The following DENND1A variants were observed in gnomAD, a reference collection of about 807,000 sequenced individuals.
DENND1A encodes DENN domain-containing protein 1A.
In DENND1A, 51 loss-of-function variants were observed where a neutral mutation model predicts 113.7. The ratio of observed to expected loss-of-function variants is 0.45; its 90% CI spans 0.36 to 0.57. The LOEUF (loss-of-function observed/expected upper bound fraction) is 0.57. DENND1A is among the 20% of genes least tolerant of loss of function. DENND1A has a pLI of 0.00. For synonymous variants in DENND1A, 565 were observed against 570.8 expected (o/e 0.99, Z 0.14); for missense variants, 1,258 against 1,395.9 (o/e 0.90, Z 1.57).
chr9:123,658,317 T>C (rs7861511), intron 8 of DENND1A, among the ~76,000 whole-genome samples: 62,204 of 152,016 alleles, frequency 0.41, 14,947 homozygotes, highest in African/African-American at 0.67. Flanking sequence ...ATCCTTTATA[T>C]AGCTGGTTTA....
chr9:123,582,631 C>T (rs1006041018), intron 12 of DENND1A, among the ~76,000 whole-genome samples: 2 of 152,010 alleles, frequency 1.3e-5, no homozygotes, highest in Non-Finnish European at 2.9e-5. Context: ...ACTTTCCTGA[C>T]CTCATGATCT....
rs527420135 is a variant in DENND1A, at chr9:123,481,379, G to T, written c.994-23482C>A. On this transcript the variant is annotated intron_variant, in intron 13 of 23. Transcript: ENST00000394215. ...CACGTGGAAACAAGGAAGCGGGAGC[G>T]GGAGGAAGAAACAGTGAGGGAAGCC... is the stretch of plus-strand genomic sequence containing the variant. Among the ~76,000 whole-genome samples, 8 of 152,332 alleles carry T rather than the reference G, an allele frequency of 5.3e-5. No homozygotes were observed. In the South Asian group the frequency reaches 1.7e-3, roughly 32 times the overall value.
chr9:123,402,807 C>G (rs187683540), intron 21 of DENND1A, among the ~76,000 whole-genome samples: 173 of 152,354 alleles, frequency 1.1e-3, no homozygotes, highest in African/African-American at 4.0e-3. Flanking sequence ...CTTTCTGCCC[C>G]CCTCATTCAC....
intron 13 of DENND1A, among the ~76,000 whole-genome samples, chr9:123,522,421 T>C (rs948727172): frequency 6.6e-6 from 1 of 152,216 alleles, no homozygotes; most frequent in African/African-American, 2.4e-5. Flanking sequence ...CAATTAGAGC[T>C]GGTTTGCAAC....
rs150846825 is a variant in DENND1A at position 123,699,319 on chromosome 9, T to C, written c.303-22530A>G. Among the ~76,000 whole-genome samples the C allele has an allele frequency of 6.4e-3, 980 of 152,226 alleles. 10 individuals are homozygous for C. Among genetic ancestry groups the C allele is most frequent in the African/African-American group, 0.022 (906 of 41,538 alleles). On this transcript the variant is annotated intron_variant, in intron 5 of 23. Transcript: ENST00000394215. ...GGAAAGCTGTGATGTTATAAAAATA[T>C]GTAAAAAGCAAATCCAGTAAAAAGG...
intron 13 of DENND1A, among the ~76,000 whole-genome samples, chr9:123,503,612 A>T (rs532314722): frequency 6.6e-6 from 1 of 152,308 alleles, no homozygotes; most frequent in South Asian, 2.1e-4. Context: ...TTCAGAGGAG[A>T]TTCTCCTTGA....
intron 2 of DENND1A, among the ~76,000 whole-genome samples, chr9:123,870,176 T>TC (rs1343111861): frequency 6.6e-6 from 1 of 151,988 alleles, no homozygotes; most frequent in East Asian, 1.9e-4. Flanking sequence ...AAACCACATA[T>TC]CCCCTGATTT....
chr9:123,836,752 T>C lies in DENND1A; in HGVS notation c.88+42199A>G, dbSNP rs189559581. Among the ~76,000 whole-genome samples, 387 of 152,256 alleles carry C rather than the reference T, an allele frequency of 2.5e-3. 1 individual carries two copies. The highest frequency in any genetic ancestry group is 0.01 in the Middle Eastern group (3 of 290). On this transcript the variant is annotated intron_variant, in intron 2 of 23. Transcript: ENST00000394215. ...AGGTATACATTTTTATAAATAATTTTTAATGTTATCTTACAAATAAAAGTT... is the reference window on the plus strand; with the variant it reads ...AGGTATACATTTTTATAAATAATTTCTAATGTTATCTTACAAATAAAAGTT...
At chr9:123,687,536 G>A (rs1445198511) in intron 5 of DENND1A, among the ~76,000 whole-genome samples, 1 of 152,156 alleles carries the variant, frequency 6.6e-6, no homozygotes, top group Non-Finnish European at 1.5e-5. Context: ...AAGCGATAAG[G>A]CCAGAGATTG....
chr9:123,505,662 CTTTG>C (rs1409951880), intron 13 of DENND1A, among the ~76,000 whole-genome samples: 1 of 152,120 alleles, frequency 6.6e-6, no homozygotes, highest in African/African-American at 2.4e-5. Flanking sequence ...GCTTCAGATG[CTTTG>C]TTTATCAGCC....
intron 12 of DENND1A, among the ~76,000 whole-genome samples, chr9:123,572,632 T>C (rs1244800244): frequency 6.6e-6 from 1 of 152,226 alleles, no homozygotes; most frequent in Non-Finnish European, 1.5e-5. Context: ...TTTTACCCAT[T>C]TTAATTGAGC....
chr9:123,559,558 G>A (rs1160683314), intron 12 of DENND1A, among the ~76,000 whole-genome samples: 9 of 152,054 alleles, frequency 5.9e-5, no homozygotes, highest in Non-Finnish European at 1.0e-4. Context: ...CACTTGCTGA[G>A]AAGTCTGGGG....
At chr9:123,564,849 C>A (rs2057960121) in intron 12 of DENND1A, among the ~76,000 whole-genome samples, 2 of 152,212 alleles carry the variant, frequency 1.3e-5, no homozygotes, top group African/African-American at 4.8e-5. Context: ...TCAAATATCA[C>A]TTCCTCTGTT....
At chr9:123,783,212 T>C (rs574253856) in intron 3 of DENND1A, among the ~76,000 whole-genome samples, 1 of 152,378 alleles carries the variant, frequency 6.6e-6, no homozygotes, top group Non-Finnish European at 1.5e-5. Flanking sequence ...AAAGGGTTTT[T>C]ATATTTTCAG....
At chr9:123,437,850 A>AAGAGAATAT (rs2046639640) in intron 19 of DENND1A, 1 of 152,166 alleles carries the variant, frequency 6.6e-6, no homozygotes, top group Admixed American at 6.5e-5. Context: ...TTTCCAAAAA[A>AAGAGAATAT]AGAGAATATA....
intron 8 of DENND1A, among the ~76,000 whole-genome samples, chr9:123,656,144 CAG>C (rs920744471): frequency 6.6e-6 from 1 of 152,122 alleles, no homozygotes; most frequent in South Asian, 2.1e-4. Context: ...GGCCTCCAAA[CAG>C]GGGTTCACTC....
intron 2 of DENND1A, among the ~76,000 whole-genome samples, chr9:123,808,043 T>G (rs1179287338): frequency 6.6e-6 from 1 of 152,152 alleles, no homozygotes; most frequent in East Asian, 1.9e-4. Flanking sequence ...CTGCCCAACA[T>G]GGTGAAACCA....
chr9:123,689,725 T>C (rs57299923), intron 5 of DENND1A, among the ~76,000 whole-genome samples: 8,739 of 152,144 alleles, frequency 0.057, 292 homozygotes, highest in South Asian at 0.089. Context: ...AACCCAGCAC[T>C]TTCAGAAGCC....
intron 15 of DENND1A, among the ~76,000 whole-genome samples, chr9:123,455,240 T>C (rs1020683605): frequency 6.6e-6 from 1 of 152,172 alleles, no homozygotes; most frequent in Non-Finnish European, 1.5e-5. Context: ...GAGCTGATCA[T>C]GCAGTACCCT....
Sources: allele counts gnomAD v4.1 joint callset (sites outside exome capture counted in the v4.1 genomes callset), GRCh38; gene constraint gnomAD v4.1.1; transcripts MANE v1.5; gene names NCBI Gene and HGNC (gene_info 2026-07-23, HGNC 2026-07-21).